CXADR: variants seen among roughly 807,000 people sequenced by gnomAD.
The protein encoded by CXADR is coxsackievirus and adenovirus receptor.
CXADR carries 20 observed loss-of-function variants against 40.3 expected under a neutral mutation model. The ratio of observed to expected loss-of-function variants is 0.50; its 90% CI spans 0.35 to 0.72. The LOEUF (loss-of-function observed/expected upper bound fraction) is 0.72, where lower values mean the gene tolerates loss of function less well. CXADR is among the 30% of genes least tolerant of loss of function. CXADR has a pLI of 0.01. For missense variants in CXADR, 332 were observed against 449.1 expected, an observed-to-expected ratio of 0.74 and a Z score of 2.36; for synonymous variants, 150 against 161.3, an observed-to-expected ratio of 0.93 and a Z score of 0.53.
chr21:17,575,052 A>G (rs2849903), downstream of CXADR, among the ~76,000 whole-genome samples: 12 of 20,934 alleles, frequency 5.7e-4, no homozygotes, highest in Admixed American at 1.0e-3. Context: ...TACATACATA[A>G]GGGTTGATAT....
At chr21:17,553,377 G>T (rs1349313126) in intron 3 of CXADR, among the ~76,000 whole-genome samples, 2 of 152,154 alleles carry the variant, frequency 1.3e-5, no homozygotes, top group Admixed American at 1.3e-4. Flanking sequence ...GACTCTGCTG[G>T]CAGCATCATT....
the CXADR span, among the ~76,000 whole-genome samples, chr21:17,606,894 G>A: frequency 5.3e-5 from 8 of 152,226 alleles, no homozygotes; most frequent in Admixed American, 2.6e-4. Flanking sequence ...GAGACTTACT[G>A]TTCAAAAGGT....
At chr21:17,617,346 A>G in the CXADR span, among the ~76,000 whole-genome samples, 1 of 152,164 alleles carries the variant, frequency 6.6e-6, no homozygotes, top group Non-Finnish European at 1.5e-5. Flanking sequence ...CCTATTCTCC[A>G]TGCCAGCAGA....
Position 17,565,792 on chromosome 21 carries a change from A to C in CXADR, c.*100A>C. 2.0e-6 allele frequency: 3 copies of C among 1,476,178 alleles called. No homozygotes were observed. The highest frequency in any genetic ancestry group is 2.7e-6 in the Non-Finnish European group (3 of 1,115,924). 91.4% of individuals were successfully genotyped at this position (1,476,178 alleles called of 1,614,324 possible). A position where few individuals can be genotyped will look rare whatever the true frequency, so the allele number is the denominator to read the frequency against. ...AATTGTGTTACTAGCCTCAAAATAC[A>C]TCAAAAAATAAGTTAATCAGGAACT... On this transcript the variant is annotated 3_prime_UTR_variant, in exon 7 of 7. Coordinates refer to ENST00000284878, the MANE Select transcript of CXADR (RefSeq NM_001338.5).
At chr21:17,553,599 C>T (rs891268828) in intron 3 of CXADR, among the ~76,000 whole-genome samples, 8 of 147,718 alleles carry the variant, frequency 5.4e-5, no homozygotes, top group African/African-American at 2.0e-4. Flanking sequence ...GAAAGATTAA[C>T]ACCTGGTCCG....
chr21:17,562,132 A>G (rs1450473821), intron 6 of CXADR, among the ~76,000 whole-genome samples: 3 of 123,768 alleles, frequency 2.4e-5, no homozygotes, highest in Non-Finnish European at 5.0e-5. Context: ...TGTGTAAAAA[A>G]ACAGTGTAGA....
At chr21:17,608,865 T>C in the CXADR span, 1 of 1,063,204 alleles carries the variant, frequency 9.4e-7, no homozygotes, top group Non-Finnish European at 1.3e-6. Context: ...TTCTATATTT[T>C]GCAGATGAAA....
At chr21:17,563,694 C>T (rs1392413204) in intron 6 of CXADR, among the ~76,000 whole-genome samples, 2 of 151,930 alleles carry the variant, frequency 1.3e-5, no homozygotes, top group African/African-American at 4.8e-5. Flanking sequence ...GTAATCCCAG[C>T]ACTTAGGGAG....
At chr21:17,599,283 G>A in the CXADR span, among the ~76,000 whole-genome samples, 5 of 150,636 alleles carry the variant, frequency 3.3e-5, no homozygotes, top group Admixed American at 1.3e-4. Flanking sequence ...TCAGGTGATC[G>A]ATCCTCCAAC....
At chr21:17,532,472 C>T (rs374725988) in intron 1 of CXADR, among the ~76,000 whole-genome samples, 17 of 151,342 alleles carry the variant, frequency 1.1e-4, no homozygotes, top group African/African-American at 4.1e-4. Flanking sequence ...TTGCTCACAT[C>T]TCTCAAGCAC....
At chr21:17,527,963 C>G (rs1039200896) in intron 1 of CXADR, among the ~76,000 whole-genome samples, 2 of 150,912 alleles carry the variant, frequency 1.3e-5, no homozygotes, top group Admixed American at 1.3e-4. Context: ...TTACAATGCA[C>G]TTTTCTAACA....
In CXADR at chr21:17,559,121, A is replaced by G. The variant is rs150134196; in HGVS notation, c.561A>G (p.Ser187=). The change falls in exon 4 of 7, where the codon TCA becomes TCG. Residue 187 remains serine (S), a synonymous_variant. Coordinates refer to ENST00000284878, the MANE Select transcript of CXADR (RefSeq NM_001338.5). ...KLSDSQKMPT[S]WLAEMTSSVI... ...CTGACTCACAGAAAATGCCCACTTC[A>G]TGGTTAGCAGGTACTGCTGATAATA... The G allele has an allele frequency of 8.7e-6, 14 of 1,614,022 alleles. No individual in the cohort carries two copies. Among genetic ancestry groups the G allele is most frequent in the African/African-American group, 4.0e-5 (3 of 74,922 alleles).
chr21:17,545,138 C>A (rs2060880327), intron 1 of CXADR, among the ~76,000 whole-genome samples: 1 of 131,176 alleles, frequency 7.6e-6, no homozygotes. Flanking sequence ...GAGAGGCAGG[C>A]CCCGTGAACC....
At chr21:17,615,918 G>A in the CXADR span, among the ~76,000 whole-genome samples, 17 of 152,154 alleles carry the variant, frequency 1.1e-4, no homozygotes, top group African/African-American at 4.1e-4. Context: ...AAATATGTGA[G>A]TCTTTAAAAT....
chr21:17,584,450 A>G (rs2061380991), intron 7 of CXADR, among the ~76,000 whole-genome samples: 1 of 152,226 alleles, frequency 6.6e-6, no homozygotes, highest in Admixed American at 6.5e-5. Flanking sequence ...AAGTTTGGTT[A>G]TTCTGTCTTG....
the CXADR span, among the ~76,000 whole-genome samples, chr21:17,615,728 T>C: frequency 3.5e-4 from 54 of 152,314 alleles, no homozygotes; most frequent in East Asian, 0.01. Context: ...GTTAATGGTG[T>C]AGTTTGCTTT....
chr21:17,631,363 C>T, the CXADR span, among the ~76,000 whole-genome samples: 1 of 152,258 alleles, frequency 6.6e-6, no homozygotes, highest in South Asian at 2.1e-4. Flanking sequence ...CTGCTTTTCA[C>T]GCTCTTTTGC....
At chr21:17,578,113 T>C (rs1324382063) in intron 7 of CXADR, among the ~76,000 whole-genome samples, 1 of 152,206 alleles carries the variant, frequency 6.6e-6, no homozygotes, top group Admixed American at 6.5e-5. Flanking sequence ...AATATCTTAA[T>C]TTCAGTTCTT....
chr21:17,599,119 T>G, the CXADR span: 2 of 290,266 alleles, frequency 6.9e-6, no homozygotes, highest in Non-Finnish European at 1.3e-5. Context: ...AAAAGTCCAT[T>G]GTTTTGATTA....
Sources: allele counts gnomAD v4.1 joint callset (sites outside exome capture counted in the v4.1 genomes callset), GRCh38; gene constraint gnomAD v4.1.1; transcripts MANE v1.5; gene names NCBI Gene and HGNC (gene_info 2026-07-23, HGNC 2026-07-21).